Variants in RBM10 observed in about 807,000 individuals in gnomAD.
RBM10 encodes RNA binding motif protein 10, also known as RNA-binding protein 10.
In RBM10, 1 loss-of-function variant was observed where a neutral mutation model predicts 84.9. The observed-to-expected ratio is 0.01, with a 90% CI of 0.00 to 0.06. The LOEUF is 0.06. Ranked by LOEUF, RBM10 falls within the 10% of genes least tolerant of loss-of-function variation. The pLI, the probability that RBM10 is intolerant of heterozygous loss-of-function variation, is 1.00. For synonymous variants in RBM10, 326 were observed against 344.5 expected, an observed-to-expected ratio of 0.95 and a Z score of 0.60; for missense variants, 438 against 839.0, an observed-to-expected ratio of 0.52 and a Z score of 5.90.
At chrX:47,165,471 C>A (rs1357809294) in intron 2 of RBM10, among the ~76,000 whole-genome samples, 1 of 95,347 alleles carries the variant, frequency 1.0e-5, no homozygotes. Context: ...GCCAAGATTG[C>A]GCCATTGGAC....
rs1160810665 is a variant in RBM10 at position 47,145,636 on chromosome X, G to GTTTT, written c.-126+174_-126+177dup. Reference sequence around the variant, plus strand: ...ACCCGGGAGGGTTTTTTTTTTTTTGGTTTTTTTTTTTTTTTTTTTTTTTTT... The same window carrying GTTTT: ...ACCCGGGAGGGTTTTTTTTTTTTTGGTTTTTTTTTTTTTTTTTTTTTTTTTTTTT... On this transcript the variant is annotated intron_variant, in intron 1 of 23. Transcript: ENST00000377604. 3.1e-4 allele frequency: 21 copies of GTTTT among 68,538 alleles called. 1 individual carries two copies. The highest frequency in any genetic ancestry group is 8.4e-4 in the Admixed American group (4 of 4,754). 5.6% of individuals were successfully genotyped at this position (68,538 alleles called of 1,213,427 possible). A position where few individuals can be genotyped will look rare whatever the true frequency, so the allele number is the denominator to read the frequency against.
In RBM10 at chrX:47,181,761, A is replaced by G. The variant is rs781924378; in HGVS notation, c.1588A>G (p.Met530Val). 7.4e-6 allele frequency: 9 copies of G among 1,208,625 alleles called. No homozygotes were observed. In the Admixed American group the frequency reaches 1.5e-4, roughly 21 times the overall value. Reference sequence around the variant, plus strand: ...GCCCCATGACCAGTCGTATACCATCATGTCACCCGCTGTGCTCAAATCTGA... The same window carrying G: ...GCCCCATGACCAGTCGTATACCATCGTGTCACCCGCTGTGCTCAAATCTGA... The part of the protein sequence containing the change: ...TAANSQSYTI[M>V]SPAVLKSELQ... The change falls in exon 15 of 24, where the codon ATG (methionine) becomes GTG (valine). Residue 530 changes from methionine to valine, a missense_variant. By Grantham distance (21) the Met-to-Val change is conservative (BLOSUM62 1). Around this residue, in one of 8 missense-constraint regions of RBM10, gnomAD observed 97 missense variants for 110.3 expected, o/e 0.88. Coordinates refer to ENST00000377604, the MANE Select transcript of RBM10 (RefSeq NM_005676.5).
Position 47,173,151 on chromosome X carries a change from C to T in RBM10, c.456C>T (p.His152=), listed in dbSNP as rs781909156. The change falls in exon 5 of 24, where the codon CAC becomes CAT. Residue 152 remains histidine (H), a synonymous_variant. Transcript: ENST00000377604. ...EDDIRGQLQS[H]GVQAREVRLM... is the part of the protein sequence containing the mutation. ...AGATCCGTGGCCAGCTGCAGTCGCACGGCGTGCAAGCACGGGAGGTTCGGC... is the reference window on the plus strand; with the variant it reads ...AGATCCGTGGCCAGCTGCAGTCGCATGGCGTGCAAGCACGGGAGGTTCGGC... 9 of 1,211,040 alleles carry T rather than the reference C, an allele frequency of 7.4e-6. No individual in the cohort carries two copies. Among genetic ancestry groups the T allele is most frequent in the South Asian group, 5.3e-5 (3 of 56,922 alleles).
intron 3 of RBM10, among the ~76,000 whole-genome samples, chrX:47,170,438 G>A (rs998424367): frequency 2.6e-5 from 3 of 113,310 alleles, no homozygotes; most frequent in African/African-American, 9.6e-5. Flanking sequence ...GAGCCCAACA[G>A]CCATACCGTT....
chrX:47,152,310 G>A (rs1932818050), intron 2 of RBM10, among the ~76,000 whole-genome samples: 1 of 111,253 alleles, frequency 9.0e-6, no homozygotes, highest in Non-Finnish European at 1.9e-5. Flanking sequence ...ATATGTTTAT[G>A]ACTTCTTACT....
intron 2 of RBM10, among the ~76,000 whole-genome samples, chrX:47,163,651 A>G (rs1471312348): frequency 1.8e-5 from 2 of 109,416 alleles, no homozygotes; most frequent in Admixed American, 9.8e-5. Context: ...GTCTCTCTGA[A>G]CCTATTCTGG....
rs782814515 is a variant in RBM10, at chrX:47,185,769, A to G, written c.2409A>G (p.Ala803=). 22 of 1,210,225 alleles carry G rather than the reference A, an allele frequency of 1.8e-5. No homozygotes were observed. The highest frequency in any genetic ancestry group is 3.4e-6 in the Non-Finnish European group (3 of 895,078). The change falls in exon 21 of 24, where the codon GCA becomes GCG. Residue 803 remains alanine (A), a synonymous_variant. Transcript: ENST00000377604. ...ACTTGTCAGAAAACGAGCTAGAAGC[A>G]CTAGAGAAGAATGACATGGAGGTGA... ...RAHLSENELE[A]LEKNDMEQMK...
At chrX:47,178,004 C>T (rs1487270714) in intron 7 of RBM10, among the ~76,000 whole-genome samples, 1 of 111,268 alleles carries the variant, frequency 9.0e-6, no homozygotes, top group Non-Finnish European at 1.9e-5. Flanking sequence ...AGAAACGCCA[C>T]CTTCCCTCCC....
At chrX:47,175,262 C>T (rs1935050730) in intron 6 of RBM10, among the ~76,000 whole-genome samples, 170 bp downstream of exon 6, 1 of 101,831 alleles carries the variant, frequency 9.8e-6, no homozygotes, top group Non-Finnish European at 2.0e-5. Flanking sequence ...TCCCATCTCT[C>T]GCTACCCCAC....
intron 2 of RBM10, among the ~76,000 whole-genome samples, chrX:47,168,252 A>G (rs1934377550): frequency 8.9e-6 from 1 of 111,807 alleles, no homozygotes; most frequent in African/African-American, 3.3e-5. Flanking sequence ...TAACTCACCA[A>G]AGAAACACAG....
At chrX:47,156,808 G>C (rs1224413537) in intron 2 of RBM10, 1 of 176,005 alleles carries the variant, frequency 5.7e-6, no homozygotes, top group African/African-American at 3.1e-5. Context: ...CAGCAGCTGT[G>C]GCTGGTGCTG....
chrX:47,179,061 G>T (rs1556777391), intron 7 of RBM10, 42 bp from the exon 8 acceptor site: 1 of 1,194,424 alleles, frequency 8.4e-7, no homozygotes, highest in Admixed American at 2.3e-5. Flanking sequence ...GGTGCAGTGG[G>T]AAATCCCTGC....
chrX:47,169,859 G>C (rs782352826), intron 3 of RBM10, among the ~76,000 whole-genome samples: 1 of 112,392 alleles, frequency 8.9e-6, no homozygotes, highest in East Asian at 2.8e-4. Context: ...GGCGTCTGGG[G>C]TTGGGAGGAC....
At chrX:47,177,038 C>T (rs1443145475) in intron 7 of RBM10, among the ~76,000 whole-genome samples, 1 of 111,569 alleles carries the variant, frequency 9.0e-6, no homozygotes, top group Non-Finnish European at 1.9e-5. Context: ...CCTCACTTTC[C>T]CCATCTCTAA....
At chrX:47,175,229 T>A in intron 6 of RBM10, 137 bp downstream of exon 6, 1 of 464,401 alleles carries the variant, frequency 2.2e-6, no homozygotes, top group Non-Finnish European at 3.8e-6. Context: ...TCTCTCCCCT[T>A]CCTGACCCTC....
rs2147192714 is a variant in RBM10, at chrX:47,181,813, C to G, written c.1640C>G (p.Ser547Cys). Reference sequence around the variant, plus strand: ...CTCCAGAGCCCTACCCATCCTAGTTCTGCTCTCCCACCGGCTACCAGCCCC... The same window carrying G: ...CTCCAGAGCCCTACCCATCCTAGTTGTGCTCTCCCACCGGCTACCAGCCCC... ...SELQSPTHPSSALPPATSPTA... is the reference protein window; with the variant it reads ...SELQSPTHPSCALPPATSPTA... The change falls in exon 15 of 24, where the codon TCT (serine) becomes TGT (cysteine). Residue 547 changes from serine (S) to cysteine (C), a missense_variant. Physicochemically the swap from Ser to Cys is moderately radical, Grantham distance 112. This residue lies in a region of RBM10 where 97 missense variants were observed against 110.3 expected (regional missense o/e 0.88). Coordinates refer to ENST00000377604, the MANE Select transcript of RBM10 (RefSeq NM_005676.5). 8.3e-7 allele frequency: 1 copy of G among 1,211,639 alleles called. No homozygotes were observed. The highest frequency in any genetic ancestry group is 1.8e-5 in the South Asian group (1 of 56,973).
chrX:47,153,618 T>C (rs1932885493), intron 2 of RBM10, among the ~76,000 whole-genome samples: 1 of 112,405 alleles, frequency 8.9e-6, no homozygotes, highest in African/African-American at 3.2e-5. Context: ...CTAGGATATC[T>C]ACACCTGTAT....
chrX:47,181,912 A>T, intron 15 of RBM10, 39 bp from the exon 16 acceptor site: 1 of 1,210,932 alleles, frequency 8.3e-7, no homozygotes, highest in Non-Finnish European at 1.1e-6. Flanking sequence ...TTCTTAATAA[A>T]GCAGGGAATA....
intron 5 of RBM10, among the ~76,000 whole-genome samples, chrX:47,174,323 C>T (rs916891465): frequency 9.0e-6 from 1 of 111,378 alleles, no homozygotes; most frequent in Non-Finnish European, 1.9e-5. Context: ...CACCATTCTC[C>T]TTTTGTCCAG....
Sources: gnomAD v4.1 joint callset for allele counts (sites outside exome capture counted in the v4.1 genomes callset) on GRCh38, gnomAD v4.1.1 for gene constraint, gnomAD v4.1.1 regional missense constraint, MANE v1.5 for transcripts, NCBI Gene and HGNC (gene_info 2026-07-23, HGNC 2026-07-21) for gene names.